Variants in MDGA2 observed in about 807,000 individuals in gnomAD.
The protein encoded by MDGA2 is MAM domain-containing glycosylphosphatidylinositol anchor protein 2.
Under a neutral mutation model 117.8 loss-of-function variants are expected in MDGA2, and 40 were observed. The ratio of observed to expected loss-of-function variants is 0.34; its 90% confidence interval spans 0.26 to 0.44. The LOEUF (loss-of-function observed/expected upper bound fraction) is 0.44. Among genes scored for constraint, MDGA2 ranks in the 20% least tolerant of loss-of-function variants. The probability of loss-of-function intolerance (pLI) is 1.00; values close to 1 mark genes in which losing one functional copy is unlikely to be tolerated. For synonymous variants in MDGA2, 452 were observed against 439.0 expected (o/e 1.03, Z -0.37); for missense variants, 1,123 against 1,250.6 (o/e 0.90, Z 1.54).
intron 1 of MDGA2, among the ~76,000 whole-genome samples, chr14:47,420,760 G>T (rs1266848306): frequency 6.6e-6 from 1 of 151,776 alleles, no homozygotes; most frequent in African/African-American, 2.4e-5. Flanking sequence ...TTTTTATAAG[G>T]ACTCCCATTT....
intron 1 of MDGA2, among the ~76,000 whole-genome samples, chr14:47,369,135 T>C (rs1159006133): frequency 6.6e-6 from 1 of 152,158 alleles, no homozygotes; most frequent in Admixed American, 6.5e-5. Context: ...ATAGAAAACA[T>C]GCTGGATATA....
chr14:47,605,617 T>C (rs1896728536), intron 1 of MDGA2, among the ~76,000 whole-genome samples: 1 of 152,136 alleles, frequency 6.6e-6, no homozygotes, highest in South Asian at 2.1e-4. Flanking sequence ...TCCCATAGTG[T>C]TATAGATAAG....
intron 1 of MDGA2, among the ~76,000 whole-genome samples, chr14:47,360,354 A>AAAATAAAT (rs60754618): frequency 0.11 from 15,949 of 139,840 alleles, 1,034 homozygotes; most frequent in Admixed American, 0.19. Context: ...TCCATCTCAA[A>AAAATAAAT]AAATAAATAA....
chr14:47,193,307 C>T (rs1430980950), intron 3 of MDGA2, among the ~76,000 whole-genome samples: 1 of 152,142 alleles, frequency 6.6e-6, no homozygotes, highest in African/African-American at 2.4e-5. Context: ...TAATACTTGT[C>T]ATCACATTGT....
intron 9 of MDGA2, among the ~76,000 whole-genome samples, chr14:46,952,006 G>A (rs1335504443): frequency 2.0e-5 from 3 of 151,812 alleles, no homozygotes; most frequent in South Asian, 4.1e-4. Flanking sequence ...GAGACTAAAT[G>A]TCCGTGGCTC....
intron 2 of MDGA2, among the ~76,000 whole-genome samples, chr14:47,253,100 C>T (rs368904673): frequency 2.4e-4 from 37 of 152,284 alleles, no homozygotes; most frequent in African/African-American, 7.7e-4. Context: ...TGAGTCCCTC[C>T]CATGACATGT....
At chr14:47,298,810 G>C (rs559406723) in intron 2 of MDGA2, among the ~76,000 whole-genome samples, 2 of 150,390 alleles carry the variant, frequency 1.3e-5, no homozygotes, top group Admixed American at 1.3e-4. Flanking sequence ...TCAGCCTCCT[G>C]AGTAGCTGGG....
chr14:46,849,410 A>C (rs1194045166), intron 15 of MDGA2, among the ~76,000 whole-genome samples: 1 of 151,902 alleles, frequency 6.6e-6, no homozygotes, highest in Non-Finnish European at 1.5e-5. Context: ...GCTCTTGACT[A>C]CAATTATATT....
At chr14:47,024,298 A>G (rs550993016) in intron 8 of MDGA2, among the ~76,000 whole-genome samples, 1 of 152,310 alleles carries the variant, frequency 6.6e-6, no homozygotes, top group East Asian at 1.9e-4. Flanking sequence ...ATAAAGCACT[A>G]TATTCATCAT....
In MDGA2 at chr14:47,636,784, C is replaced by CAAA. The variant is rs56313968; in HGVS notation, c.280+37730_280+37732dup. Among the ~76,000 whole-genome samples the CAAA allele has an allele frequency of 1.3e-3, 58 of 46,000 alleles. 6 individuals are homozygous for CAAA. Among genetic ancestry groups the CAAA allele is most frequent in the South Asian group, 3.0e-3 (2 of 668 alleles). The allele number at this position is 46,000 out of a possible 152,430, so 30.2% of individuals were successfully genotyped here. A position where few individuals can be genotyped will look rare whatever the true frequency, so the allele number is the denominator to read the frequency against. ...TGGGCGACAGAGCGAGACTCCGTCT[C>CAAA]AAAAAAAAAAAAAAAAAAAAAAAAA... On this transcript the variant is annotated intron_variant, in intron 1 of 16. Coordinates refer to ENST00000399232, the MANE Select transcript of MDGA2 (RefSeq NM_001113498.3).
intron 8 of MDGA2, among the ~76,000 whole-genome samples, chr14:47,027,798 G>A (rs937346536): frequency 9.9e-5 from 15 of 151,836 alleles, no homozygotes; most frequent in African/African-American, 3.6e-4. Flanking sequence ...AATGTCAGGA[G>A]CAGTTCAACT....
At chr14:47,105,247 C>T (rs1013689794) in intron 5 of MDGA2, among the ~76,000 whole-genome samples, 6 of 152,082 alleles carry the variant, frequency 3.9e-5, no homozygotes, top group South Asian at 4.1e-4. Flanking sequence ...TGCTTATTTC[C>T]GCACCCCAAC....
intron 7 of MDGA2, among the ~76,000 whole-genome samples, chr14:47,050,264 T>C (rs891893766): frequency 1.3e-5 from 2 of 151,986 alleles, no homozygotes; most frequent in African/African-American, 4.8e-5. Context: ...AAGCTTCTCA[T>C]ACGTAAAATG....
chr14:46,858,649 G>A (rs1000546077), intron 14 of MDGA2, among the ~76,000 whole-genome samples: 15 of 151,812 alleles, frequency 9.9e-5, no homozygotes, highest in African/African-American at 3.1e-4. Context: ...GAATGGTCTC[G>A]ATCTCCCGAC....
chr14:47,656,481 G>C (rs2138281276), intron 1 of MDGA2, among the ~76,000 whole-genome samples: 1 of 152,266 alleles, frequency 6.6e-6, no homozygotes, highest in South Asian at 2.1e-4. Flanking sequence ...ATTCCCAATG[G>C]GGTACAGCTT....
intron 1 of MDGA2, among the ~76,000 whole-genome samples, chr14:47,579,394 C>T (rs1215687691): frequency 4.6e-5 from 7 of 152,012 alleles, no homozygotes; most frequent in African/African-American, 1.2e-4. Context: ...ATTTCAGCAA[C>T]ATAATCAAAG....
chr14:47,343,095 C>A (rs1359375345), intron 1 of MDGA2: 1 of 1,263,888 alleles, frequency 7.9e-7, no homozygotes, highest in South Asian at 1.3e-5. Context: ...ATGGAAGCCT[C>A]ACCTTGAATA....
intron 1 of MDGA2, among the ~76,000 whole-genome samples, chr14:47,384,246 A>G (rs955329448): frequency 1.3e-5 from 2 of 150,952 alleles, no homozygotes; most frequent in African/African-American, 2.4e-5. Context: ...GATGGAGGCA[A>G]AGGGACTGAG....
intron 1 of MDGA2, among the ~76,000 whole-genome samples, chr14:47,627,723 C>A (rs1028598811): frequency 6.6e-6 from 1 of 152,166 alleles, no homozygotes; most frequent in Non-Finnish European, 1.5e-5. Flanking sequence ...GCAGTGGCAA[C>A]CCGCTGGGGT....
Sources: allele counts gnomAD v4.1 joint callset (sites outside exome capture counted in the v4.1 genomes callset), GRCh38; gene constraint gnomAD v4.1.1; transcripts MANE v1.5; gene names NCBI Gene and HGNC (gene_info 2026-07-23, HGNC 2026-07-21).